Variants in TMEM132D observed in about 807,000 individuals in gnomAD.
TMEM132D encodes mature OL transmembrane protein.
Under a neutral mutation model 62.3 loss-of-function variants are expected in TMEM132D, and 21 were observed. The observed-to-expected ratio is 0.34, with a 90% CI of 0.24 to 0.49. The LOEUF is 0.49. Among genes scored for constraint, TMEM132D ranks in the 20% least tolerant of loss-of-function variants. TMEM132D has a pLI of 0.99. For synonymous variants in TMEM132D, 621 were observed against 575.6 expected (o/e 1.08, Z -1.13); for missense variants, 1,346 against 1,402.8 (o/e 0.96, Z 0.65).
chr12:129,380,801 C>T (rs550180091), intron 3 of TMEM132D, among the ~76,000 whole-genome samples: 2 of 152,218 alleles, frequency 1.3e-5, no homozygotes, highest in African/African-American at 2.4e-5. Flanking sequence ...AAAAATGTTA[C>T]GTAAGTGGAA....
intron 2 of TMEM132D, among the ~76,000 whole-genome samples, chr12:129,533,536 C>A (rs1876289120): frequency 1.3e-5 from 2 of 152,206 alleles, no homozygotes; most frequent in South Asian, 2.1e-4. Context: ...CAGGAGATAT[C>A]AGTACATAGG....
At chr12:129,893,414 C>T (rs531724655) in intron 1 of TMEM132D, among the ~76,000 whole-genome samples, 24 of 148,292 alleles carry the variant, frequency 1.6e-4, no homozygotes, top group African/African-American at 6.0e-4. Flanking sequence ...CCCTACCCAC[C>T]CTGCTCAGCT....
intron 3 of TMEM132D, among the ~76,000 whole-genome samples, chr12:129,438,089 T>A (rs750947635): frequency 6.6e-6 from 1 of 152,186 alleles, no homozygotes; most frequent in African/African-American, 2.4e-5. Flanking sequence ...TATGGCTGCA[T>A]AGTATTCCAT....
chr12:129,569,436 C>T (rs911648749), intron 2 of TMEM132D, among the ~76,000 whole-genome samples: 3 of 152,118 alleles, frequency 2.0e-5, no homozygotes, highest in Admixed American at 6.5e-5. Context: ...GTAAGTGCCA[C>T]CATCTCCTTG....
intron 7 of TMEM132D, among the ~76,000 whole-genome samples, chr12:129,081,248 A>G (rs1295756205): frequency 1.3e-5 from 2 of 152,224 alleles, no homozygotes; most frequent in Non-Finnish European, 2.9e-5. Flanking sequence ...TTTCTCCCCT[A>G]TAAGTAATAT....
intron 5 of TMEM132D, among the ~76,000 whole-genome samples, chr12:129,138,881 T>C (rs1486644): frequency 3.9e-5 from 6 of 152,028 alleles, no homozygotes; most frequent in African/African-American, 7.3e-5. Flanking sequence ...TTGCCCATGC[T>C]CTGCAGCATC....
At chr12:129,615,795 CAAAATAAAATAAAATAAAATAAAAT>C (rs767430381) in intron 2 of TMEM132D, among the ~76,000 whole-genome samples, 6 of 139,032 alleles carry the variant, frequency 4.3e-5, no homozygotes, top group Admixed American at 7.3e-5. Flanking sequence ...CAAAACAAAA[CAAAATAAAATAAAATAAAATAAAAT>C]AAAATAAAAT....
chr12:129,262,341 A>T (rs1010260604), intron 4 of TMEM132D: 1 of 152,214 alleles, frequency 6.6e-6, no homozygotes, highest in African/African-American at 2.4e-5. Flanking sequence ...TAGTAGTAAC[A>T]TTATAACCCT....
chr12:129,295,532 G>A (rs1043248249), intron 4 of TMEM132D, among the ~76,000 whole-genome samples: 5 of 148,588 alleles, frequency 3.4e-5, no homozygotes, highest in Non-Finnish European at 7.4e-5. Flanking sequence ...CCGGGTTCAA[G>A]CGATTCTCCT....
intron 2 of TMEM132D, among the ~76,000 whole-genome samples, chr12:129,615,948 C>T (rs1432832542): frequency 6.6e-6 from 1 of 152,178 alleles, no homozygotes. Context: ...CTCCTACATT[C>T]CTGTCACCTG....
At chr12:129,229,333 G>A (rs144144205) in intron 4 of TMEM132D, among the ~76,000 whole-genome samples, 301 of 152,268 alleles carry the variant, frequency 2.0e-3, no homozygotes, top group African/African-American at 6.9e-3. Context: ...CGACAACTAC[G>A]GATGTTGATA....
intron 2 of TMEM132D, among the ~76,000 whole-genome samples, chr12:129,603,647 A>G (rs1878540261): frequency 6.6e-6 from 1 of 152,208 alleles, no homozygotes; most frequent in African/African-American, 2.4e-5. Flanking sequence ...TAGAATGGCA[A>G]TCATTAAAAA....
chr12:129,687,762 G>C (rs547353830), intron 2 of TMEM132D, among the ~76,000 whole-genome samples: 2 of 152,022 alleles, frequency 1.3e-5, no homozygotes, highest in East Asian at 1.9e-4. Context: ...GGTCCTGCTT[G>C]GCTCTGCATC....
chr12:129,650,555 C>G (rs1340208154), intron 2 of TMEM132D, among the ~76,000 whole-genome samples: 1 of 152,194 alleles, frequency 6.6e-6, no homozygotes, highest in Non-Finnish European at 1.5e-5. Flanking sequence ...ACGATTGTAA[C>G]AAGTCATCCC....
intron 2 of TMEM132D, among the ~76,000 whole-genome samples, chr12:129,628,995 G>C (rs1181375052): frequency 1.3e-5 from 2 of 148,786 alleles, no homozygotes; most frequent in Non-Finnish European, 3.0e-5. Flanking sequence ...CTGCCCCTCT[G>C]TCTCTCTCTC....
At chr12:129,500,861 C>T (rs1307129461) in intron 3 of TMEM132D, among the ~76,000 whole-genome samples, 1 of 152,162 alleles carries the variant, frequency 6.6e-6, no homozygotes, top group Non-Finnish European at 1.5e-5. Context: ...TTGTAGGTAC[C>T]TGATAAACCA....
chr12:129,433,568 G>A (rs1391072741), intron 3 of TMEM132D, among the ~76,000 whole-genome samples: 1 of 152,060 alleles, frequency 6.6e-6, no homozygotes, highest in African/African-American at 2.4e-5. Context: ...TCCCTTGCTG[G>A]TACTTCTTTC....
chr12:129,589,806 A>C (rs2137133809), intron 2 of TMEM132D, among the ~76,000 whole-genome samples: 1 of 152,326 alleles, frequency 6.6e-6, no homozygotes, highest in South Asian at 2.1e-4. Context: ...TCTTACCAGT[A>C]GGATTAATTC....
intron 3 of TMEM132D, among the ~76,000 whole-genome samples, chr12:129,443,480 G>C (rs1216112159): frequency 6.6e-6 from 1 of 152,104 alleles, no homozygotes; most frequent in East Asian, 1.9e-4. Context: ...CCACAGCCGA[G>C]GAACCGTGAC....
Sources: allele counts gnomAD v4.1 joint callset (sites outside exome capture counted in the v4.1 genomes callset), GRCh38; gene constraint gnomAD v4.1.1; transcripts MANE v1.5; gene names NCBI Gene and HGNC (gene_info 2026-07-23, HGNC 2026-07-21).